The following ADARB2 variants were observed in gnomAD, a reference collection of about 807,000 sequenced individuals.
The protein encoded by ADARB2 is adenosine deaminase RNA specific B2 (inactive), also known as inactive double-stranded RNA-specific editase B2.
ADARB2 carries 25 observed loss-of-function variants against 62.2 expected under a neutral mutation model. That is an observed-to-expected ratio of 0.40 (90% CI 0.29 to 0.56). ADARB2 has a LOEUF of 0.56. ADARB2 is among the 20% of genes least tolerant of loss of function. ADARB2 has a pLI of 0.43. For synonymous variants in ADARB2, 572 were observed against 500.8 expected (o/e 1.14, Z -1.90); for missense variants, 1,071 against 1,077.4 (o/e 0.99, Z 0.08).
chr10:1,731,652 A>G (rs1835233343), intron 1 of ADARB2, among the ~76,000 whole-genome samples: 1 of 152,238 alleles, frequency 6.6e-6, no homozygotes, highest in African/African-American at 2.4e-5. Context: ...GAGTGGAGAA[A>G]AAACTTTTAA....
At chr10:1,672,216 C>A (rs1309274413) in intron 1 of ADARB2, among the ~76,000 whole-genome samples, 1 of 152,156 alleles carries the variant, frequency 6.6e-6, no homozygotes, top group Non-Finnish European at 1.5e-5. Flanking sequence ...GCCAACGCCC[C>A]GTCTTTCAAC....
intron 1 of ADARB2, among the ~76,000 whole-genome samples, chr10:1,391,006 C>A (rs1012649910): frequency 6.6e-6 from 1 of 152,170 alleles, no homozygotes; most frequent in Non-Finnish European, 1.5e-5. Flanking sequence ...TTGGCTCACC[C>A]CCTGCCCCCT....
chr10:1,318,595 C>T (rs755981626), intron 3 of ADARB2, among the ~76,000 whole-genome samples: 3 of 127,936 alleles, frequency 2.3e-5, no homozygotes, highest in African/African-American at 6.1e-5. Context: ...TCTCTCTGGG[C>T]ACTGCTGTCC....
At chr10:1,378,249 T>C (rs1358513789) in intron 2 of ADARB2, among the ~76,000 whole-genome samples, 1 of 152,172 alleles carries the variant, frequency 6.6e-6, no homozygotes, top group Admixed American at 6.5e-5. Flanking sequence ...ACCAGCCTGG[T>C]GCCATCCTGA....
intron 3 of ADARB2, among the ~76,000 whole-genome samples, chr10:1,327,838 A>G (rs1362523672): frequency 2.6e-5 from 1 of 37,774 alleles, no homozygotes; most frequent in Non-Finnish European, 5.5e-5. Flanking sequence ...AGCACCTCAC[A>G]GCTCAGTGCC....
chr10:1,672,936 A>C (rs1324118637), intron 1 of ADARB2, among the ~76,000 whole-genome samples: 1 of 152,198 alleles, frequency 6.6e-6, no homozygotes, highest in Non-Finnish European at 1.5e-5. Context: ...ACACACTTTT[A>C]ACCTACGGGT....
chr10:1,569,768 T>A (rs57443461), intron 1 of ADARB2, among the ~76,000 whole-genome samples: 3,123 of 151,888 alleles, frequency 0.021, 42 homozygotes, highest in East Asian at 0.049. Flanking sequence ...CATTTTTTTT[T>A]AAAAAAATGT....
At chr10:1,284,479 G>A (rs917564750) in intron 3 of ADARB2, among the ~76,000 whole-genome samples, 46 of 152,176 alleles carry the variant, frequency 3.0e-4, no homozygotes, top group African/African-American at 1.1e-3. Flanking sequence ...ACCGATGGCT[G>A]CCTCCACCCA....
intron 1 of ADARB2, among the ~76,000 whole-genome samples, chr10:1,492,953 C>T (rs888406985): frequency 6.6e-6 from 1 of 152,194 alleles, no homozygotes; most frequent in African/African-American, 2.4e-5. Context: ...TCCCCACGCA[C>T]TTGCCGAGCA....
chr10:1,360,078 C>A (rs903962319), intron 3 of ADARB2, among the ~76,000 whole-genome samples: 1 of 152,230 alleles, frequency 6.6e-6, no homozygotes, highest in Non-Finnish European at 1.5e-5. Context: ...TGGATCCAGA[C>A]GTGGTTTTGT....
intron 4 of ADARB2, among the ~76,000 whole-genome samples, chr10:1,266,596 C>T (rs1409947061): frequency 6.6e-6 from 1 of 152,118 alleles, no homozygotes; most frequent in Non-Finnish European, 1.5e-5. Context: ...TGGGCGGGAG[C>T]CTGTGGGAGA....
rs10903397 is a variant in ADARB2, at chr10:1,177,861, A to G, written c.*5332T>C. 0.98 allele frequency: 148,815 copies of G among 152,428 alleles called. 72,762 individuals are homozygous for G. Among genetic ancestry groups the G allele is most frequent in the Middle Eastern group, 1 (296 of 296 alleles). The allele number at this position is 152,428 out of a possible 1,614,324, so 9.4% of individuals were successfully genotyped here. ...GTAATCCCAGCACTCTGGGAGGCCG[A>G]GGTGGGCAGATCACTTGAGGCCAGG... is the stretch of plus-strand genomic sequence containing the variant. On this transcript the variant is annotated 3_prime_UTR_variant, in exon 10 of 10. Transcript: ENST00000381312.
intron 3 of ADARB2, among the ~76,000 whole-genome samples, chr10:1,356,025 C>A (rs1221080189): frequency 6.6e-6 from 1 of 152,054 alleles, no homozygotes; most frequent in African/African-American, 2.4e-5. Flanking sequence ...ATCTACAAAG[C>A]CTCTAGTGCC....
intron 1 of ADARB2, among the ~76,000 whole-genome samples, chr10:1,615,199 G>A (rs1588324489): frequency 2.0e-5 from 3 of 152,248 alleles, no homozygotes; most frequent in South Asian, 4.1e-4. Context: ...GTCAGCAGGT[G>A]CACTGCTTAG....
At chr10:1,343,790 A>T (rs1014093780) in intron 3 of ADARB2, among the ~76,000 whole-genome samples, 2 of 152,214 alleles carry the variant, frequency 1.3e-5, no homozygotes, top group African/African-American at 2.4e-5. Flanking sequence ...CCAAATATCC[A>T]TGTTCTCACT....
intron 9 of ADARB2, among the ~76,000 whole-genome samples, chr10:1,183,950 C>T (rs1836715478): frequency 6.6e-6 from 1 of 152,198 alleles, no homozygotes; most frequent in Non-Finnish European, 1.5e-5. Flanking sequence ...CGAGCATGTG[C>T]AAGAGGAGAG....
chr10:1,585,901 G>A (rs536425100), intron 1 of ADARB2, among the ~76,000 whole-genome samples: 1 of 152,268 alleles, frequency 6.6e-6, no homozygotes, highest in East Asian at 1.9e-4. Flanking sequence ...GGGTGGGGTG[G>A]CGGGCGGCTG....
At chr10:1,521,999 A>G (rs1003415102) in intron 1 of ADARB2, among the ~76,000 whole-genome samples, 2 of 152,156 alleles carry the variant, frequency 1.3e-5, no homozygotes, top group African/African-American at 4.8e-5. Flanking sequence ...AATCTCTTCA[A>G]ATATTTTACA....
At chr10:1,399,180 A>G (rs1486736154) in intron 1 of ADARB2, among the ~76,000 whole-genome samples, 1 of 152,178 alleles carries the variant, frequency 6.6e-6, no homozygotes, top group Non-Finnish European at 1.5e-5. Context: ...GGCCAATGGC[A>G]GTCAGTCCCC....
Sources: allele counts gnomAD v4.1 joint callset (sites outside exome capture counted in the v4.1 genomes callset), GRCh38; gene constraint gnomAD v4.1.1; transcripts MANE v1.5; gene names NCBI Gene and HGNC (gene_info 2026-07-23, HGNC 2026-07-21).